CAMK4: variants seen among roughly 807,000 people sequenced by gnomAD.
CAMK4 encodes the protein calcium/calmodulin dependent protein kinase IV.
Under a neutral mutation model 44.9 loss-of-function variants are expected in CAMK4, and 22 were observed. That is an observed-to-expected ratio of 0.49 (90% CI 0.35 to 0.70). CAMK4 has a LOEUF of 0.70. CAMK4 is among the 30% of genes least tolerant of loss of function. The pLI, the probability that CAMK4 is intolerant of heterozygous loss-of-function variation, is 0.01. For missense variants in CAMK4, 498 were observed against 586.8 expected (o/e 0.85, Z 1.56); for synonymous variants, 218 against 215.4 (o/e 1.01, Z -0.11).
rs1660934 is a variant in CAMK4 at position 111,397,707 on chromosome 5, C to G, written c.459+2925C>G. 9.5e-4 allele frequency among the ~76,000 whole-genome samples: 143 copies of G among 150,322 alleles called. 2 individuals are homozygous for G. Among genetic ancestry groups the G allele is most frequent in the African/African-American group, 3.3e-3 (136 of 40,806 alleles). On this transcript the variant is annotated intron_variant, in intron 5 of 10. Coordinates refer to ENST00000282356, the MANE Select transcript of CAMK4 (RefSeq NM_001744.6). Reference sequence around the variant, plus strand: ...TGTGTGTGTGTTTGCAGTTTACCCACCTGGATTCATGTACTTTTTCATGTT... The same window carrying G: ...TGTGTGTGTGTTTGCAGTTTACCCAGCTGGATTCATGTACTTTTTCATGTT...
chr5:111,347,436 AC>A (rs776477468), intron 2 of CAMK4, among the ~76,000 whole-genome samples: 11 of 152,004 alleles, frequency 7.2e-5, no homozygotes, highest in Non-Finnish European at 1.3e-4. Flanking sequence ...AGCTATTATT[AC>A]CTTTTTAATT....
At chr5:111,384,949 T>G (rs565385482) in intron 4 of CAMK4, among the ~76,000 whole-genome samples, 1 of 152,236 alleles carries the variant, frequency 6.6e-6, no homozygotes, top group South Asian at 2.1e-4. Flanking sequence ...ACCACCCACT[T>G]TGTTCTCTTC....
At chr5:111,317,986 A>C (rs2112686946) in intron 1 of CAMK4, among the ~76,000 whole-genome samples, 1 of 151,356 alleles carries the variant, frequency 6.6e-6, no homozygotes. Context: ...GGTTGCTAAA[A>C]AAGAAAAGCA....
intron 1 of CAMK4, among the ~76,000 whole-genome samples, chr5:111,263,005 C>A (rs897283324): frequency 5.6e-4 from 85 of 152,164 alleles, no homozygotes; most frequent in Admixed American, 5.2e-3. Context: ...GATAATTTAA[C>A]CCCCTGGCTG....
chr5:111,330,211 A>G (rs1749105054), intron 1 of CAMK4, among the ~76,000 whole-genome samples: 1 of 151,560 alleles, frequency 6.6e-6, no homozygotes, highest in Non-Finnish European at 1.5e-5. Context: ...TTAGAAGCAA[A>G]CACCCATAAA....
rs1755473339 is a variant in CAMK4, at chr5:111,482,673, A to G, written c.829-112A>G. 1 of 863,392 alleles carries G rather than the reference A, an allele frequency of 1.2e-6. No homozygotes were observed. Among genetic ancestry groups the G allele is most frequent in the African/African-American group, 1.7e-5 (1 of 58,006 alleles). The allele number at this position is 863,392 out of a possible 1,614,324, so 53.5% of individuals were successfully genotyped here. A position where few individuals can be genotyped will look rare whatever the true frequency, so the allele number is the denominator to read the frequency against. The stretch of plus-strand genomic sequence containing the variant: ...GACTTAAACAATTTTTTTCTCACAT[A>G]TATTTAGTGGTACTGCTGGGAAATG... On this transcript the variant is annotated intron_variant, in intron 9 of 10. Transcript: ENST00000282356. This position sits in a 1 kb window ranked among gnomAD's most constrained non-coding sequence, Gnocchi z 4.9.
chr5:111,258,925 G>A (rs13162467), intron 1 of CAMK4, among the ~76,000 whole-genome samples: 1 of 152,054 alleles, frequency 6.6e-6, no homozygotes, highest in Admixed American at 6.6e-5. Context: ...AGAGAACCTA[G>A]GAAAAACCCT....
At chr5:111,332,896 G>A (rs564060845) in intron 1 of CAMK4, among the ~76,000 whole-genome samples, 114 of 151,658 alleles carry the variant, frequency 7.5e-4, no homozygotes, top group African/African-American at 2.5e-3. Context: ...GTTAAAAACC[G>A]AAATGTCCAT....
intron 1 of CAMK4, among the ~76,000 whole-genome samples, chr5:111,249,623 T>A (rs1213960650): frequency 7.2e-6 from 1 of 139,406 alleles, no homozygotes; most frequent in Non-Finnish European, 1.6e-5. Flanking sequence ...CTTTTATATT[T>A]GTGTGTATAT....
chr5:111,308,209 C>A (rs962105790), intron 1 of CAMK4, among the ~76,000 whole-genome samples: 1 of 143,468 alleles, frequency 7.0e-6, no homozygotes, highest in Middle Eastern at 3.4e-3. Flanking sequence ...ATGTAACTAA[C>A]CTGCACAATG....
intron 1 of CAMK4, among the ~76,000 whole-genome samples, chr5:111,337,835 A>G (rs541794524): frequency 2.6e-5 from 4 of 151,208 alleles, no homozygotes; most frequent in Non-Finnish European, 5.9e-5. Context: ...CTCTAGTTAC[A>G]ACAGGCAAGT....
At chr5:111,228,740 G>A (rs1251938053) in intron 1 of CAMK4, among the ~76,000 whole-genome samples, 1 of 152,208 alleles carries the variant, frequency 6.6e-6, no homozygotes, top group Admixed American at 6.5e-5. Context: ...AAATCTGTGT[G>A]TGATAGATTA....
intron 1 of CAMK4, among the ~76,000 whole-genome samples, chr5:111,276,931 C>A (rs1313081333): frequency 1.3e-5 from 2 of 152,098 alleles, no homozygotes; most frequent in African/African-American, 4.8e-5. Flanking sequence ...CCCCTTTTAA[C>A]CTTCAAAGGC....
rs188537485 is a variant in CAMK4 at position 111,325,702 on chromosome 5, C to A, written c.162-18322C>A. Reference sequence around the variant, plus strand: ...CTTTTGAGAAGTGTCTATTCATATCCTTCGCCCACTTTTTGATGGGGTTGT... The same window carrying A: ...CTTTTGAGAAGTGTCTATTCATATCATTCGCCCACTTTTTGATGGGGTTGT... On this transcript the variant is annotated intron_variant, in intron 1 of 10. Transcript: ENST00000282356. 2.6e-5 allele frequency among the ~76,000 whole-genome samples: 4 copies of A among 152,140 alleles called. No individual in the cohort carries two copies. The East Asian group carries it at 7.8e-4, about 30-fold the overall frequency.
At chr5:111,250,050 C>T (rs1189114228) in intron 1 of CAMK4, among the ~76,000 whole-genome samples, 1 of 152,112 alleles carries the variant, frequency 6.6e-6, no homozygotes, top group Non-Finnish European at 1.5e-5. Flanking sequence ...AAGTGCCCTA[C>T]CCCAGGACTA....
intron 5 of CAMK4, among the ~76,000 whole-genome samples, chr5:111,400,294 C>G (rs1450484402): frequency 6.6e-6 from 1 of 152,090 alleles, no homozygotes; most frequent in African/African-American, 2.4e-5. Flanking sequence ...AGGTAGAAAG[C>G]AAAGCAATTT....
intron 6 of CAMK4, among the ~76,000 whole-genome samples, chr5:111,447,520 C>G (rs1319544850): frequency 6.6e-6 from 1 of 152,130 alleles, no homozygotes; most frequent in African/African-American, 2.4e-5. Context: ...TTGGGAAATT[C>G]TGATCTACCC....
intron 1 of CAMK4, among the ~76,000 whole-genome samples, chr5:111,238,029 A>T (rs1280918083): frequency 6.6e-6 from 1 of 152,138 alleles, no homozygotes; most frequent in Non-Finnish European, 1.5e-5. Context: ...CTTTCTTTTG[A>T]CAACCAGAGG....
chr5:111,378,708 A>G (rs1396989894), intron 4 of CAMK4, among the ~76,000 whole-genome samples: 2 of 152,202 alleles, frequency 1.3e-5, no homozygotes, highest in South Asian at 2.1e-4. Flanking sequence ...GCTTAAAGCC[A>G]TACAGTTCTG....
Sources: gnomAD v4.1 joint callset for allele counts (sites outside exome capture counted in the v4.1 genomes callset) on GRCh38, gnomAD v4.1.1 for gene constraint, Gnocchi (gnomAD v3.1) non-coding constraint, MANE v1.5 for transcripts, NCBI Gene and HGNC (gene_info 2026-07-23, HGNC 2026-07-21) for gene names.